NME9: variants seen among roughly 807,000 people sequenced by gnomAD.
The protein encoded by NME9 is NME/NM23 family member 9.
NME9 carries 48 observed loss-of-function variants against 44.4 expected under a neutral mutation model. The ratio of observed to expected loss-of-function variants is 1.08; its 90% CI spans 0.86 to 1.37. NME9 has a LOEUF of 1.37. Ranked by LOEUF, NME9 falls within the 40% of genes most tolerant of loss-of-function variation. NME9 has a pLI of 0.00. For missense variants in NME9, 325 were observed against 405.2 expected (o/e 0.80, Z 1.70); for synonymous variants, 139 against 147.1 (o/e 0.94, Z 0.40).
chr3:138,274,671 G>A (rs1038303812), intron 8 of NME9: 6 of 669,578 alleles, frequency 9.0e-6, no homozygotes, highest in African/African-American at 5.4e-5. Flanking sequence ...TCTAGAAATA[G>A]GAAGAAATAT....
chr3:138,303,449 G>A lies in NME9; in HGVS notation c.928+58C>T, dbSNP rs986958817. On this transcript the variant is annotated intron_variant, in intron 10 of 10. Coordinates refer to ENST00000333911, the MANE Select transcript of NME9 (RefSeq NM_001349018.2). ...AATCCCCCACACACTCAAGCACATA[G>A]TTACAAATTCCTTGTATCTATGATT... 5 of 1,421,632 alleles carry A rather than the reference G, an allele frequency of 3.5e-6. No individual in the cohort carries two copies. The African/African-American group carries it at 5.6e-5, about 16-fold the overall frequency. The allele number at this position is 1,421,632 out of a possible 1,614,324, so 88.1% of individuals were successfully genotyped here.
intron 8 of NME9, among the ~76,000 whole-genome samples, chr3:138,265,298 G>C (rs1475083665): frequency 6.6e-6 from 1 of 152,100 alleles, no homozygotes; most frequent in East Asian, 1.9e-4. Flanking sequence ...TCTGAATCAA[G>C]ACTTAGAGCA....
At chr3:138,277,316 A>G (rs2049393637) in intron 8 of NME9, among the ~76,000 whole-genome samples, 1 of 152,244 alleles carries the variant, frequency 6.6e-6, no homozygotes, top group Admixed American at 6.5e-5. Flanking sequence ...GAGAAAATGC[A>G]GGAGAAAATC....
chr3:138,275,058 C>G lies in NME9; in HGVS notation c.746-12472G>C, dbSNP rs547399060. On this transcript the variant is annotated intron_variant, in intron 8 of 8. Transcript: ENST00000317876. ...CAAGTTAAGGGTAGGTATTAAAGTA[C>G]GAAGCTGTGCATTTATCAGGACAGT... Among the ~76,000 whole-genome samples, 3 of 152,180 alleles carry G rather than the reference C, an allele frequency of 2.0e-5. No individual in the cohort carries two copies. In the East Asian group the frequency reaches 5.8e-4, roughly 29 times the overall value.
chr3:138,298,371 T>C (rs2051667232), downstream of NME9: 1 of 152,134 alleles, frequency 6.6e-6, no homozygotes, highest in Non-Finnish European at 1.5e-5. Context: ...CCAAGAAAAA[T>C]CATGGCAACT....
rs2053017355 is a variant in NME9 at position 138,315,600 on chromosome 3, A to G, written c.311T>C (p.Leu104Pro). ...VAVVRGANAP[L>P]LQKTILDQLE... ...CTGGTCTAGGATGGTTTTCTGCAGC[A>G]GTGGGGCATTTGCTCCTCTAACCAC... is the stretch of plus-strand genomic sequence containing the variant. The change falls in exon 5 of 11, where the codon CTG becomes CCG. Residue 104 changes from leucine (L) to proline (P), a missense_variant. Transcript: ENST00000333911. 1 of 1,536,686 alleles carries G rather than the reference A, an allele frequency of 6.5e-7. No homozygotes were observed.
chr3:138,262,613 A>T (rs1560008320), intron 8 of NME9: 4 of 1,497,184 alleles, frequency 2.7e-6, no homozygotes, highest in Non-Finnish European at 1.8e-6. Context: ...AAAAAAAAAA[A>T]TTTAGGTGCC....
In NME9 at chr3:138,313,721, C is replaced by T. The variant is rs566883599; in HGVS notation, c.460+611G>A. On this transcript the variant is annotated intron_variant, in intron 6 of 10. Coordinates refer to ENST00000333911, the MANE Select transcript of NME9 (RefSeq NM_001349018.2). Reference sequence around the variant, plus strand: ...TGTATATACACAAGGGAATATTATTCATTAATTTAAAAGATTAAAATCCTG... The same window carrying T: ...TGTATATACACAAGGGAATATTATTTATTAATTTAAAAGATTAAAATCCTG... 2.0e-5 allele frequency among the ~76,000 whole-genome samples: 3 copies of T among 152,234 alleles called. No homozygotes were observed. The East Asian group carries it at 5.8e-4, about 29-fold the overall frequency.
intron 8 of NME9, among the ~76,000 whole-genome samples, chr3:138,291,591 A>G (rs2050958442): frequency 1.3e-5 from 2 of 152,252 alleles, no homozygotes; most frequent in Non-Finnish European, 2.9e-5. Flanking sequence ...AATACGTAAC[A>G]CAGTATCAGG....
chr3:138,300,477 A>G (rs1045588239), downstream of NME9, among the ~76,000 whole-genome samples: 2 of 152,222 alleles, frequency 1.3e-5, no homozygotes, highest in Non-Finnish European at 2.9e-5. Flanking sequence ...CCTTCTCCTC[A>G]GATAGGAAAA....
At chr3:138,284,307 G>A (rs1240213098) in intron 8 of NME9, 25 of 694,346 alleles carry the variant, frequency 3.6e-5, no homozygotes, top group Non-Finnish European at 6.4e-5. Context: ...AGAAATCAGG[G>A]CATTGAGAGT....
intron 8 of NME9, among the ~76,000 whole-genome samples, chr3:138,286,857 AC>A (rs1271456335): frequency 1.3e-5 from 2 of 152,198 alleles, no homozygotes; most frequent in Admixed American, 6.5e-5. Flanking sequence ...CTCTGGACTT[AC>A]ATATCCGCCT....
At chr3:138,329,117 C>A (rs2053968989) in intron 1 of NME9, among the ~76,000 whole-genome samples, 186 bp downstream of exon 1, 1 of 152,206 alleles carries the variant, frequency 6.6e-6, no homozygotes, top group Non-Finnish European at 1.5e-5. Flanking sequence ...TAAAATTTGT[C>A]ATCACTGGGG....
chr3:138,306,341 T>C (rs1560098056), intron 7 of NME9, 57 bp downstream of exon 7: 1 of 1,321,856 alleles, frequency 7.6e-7, no homozygotes. Context: ...CCATCCCTGT[T>C]TATCCACAAA....
chr3:138,319,454 C>T (rs760914878), intron 3 of NME9, 24 bp downstream of exon 3: 1 of 1,294,850 alleles, frequency 7.7e-7, no homozygotes. Flanking sequence ...TGTTGTATGA[C>T]TGTTGGCTGA....
chr3:138,319,713 A>G, intron 2 of NME9, 132 bp from the exon 3 acceptor site: 1 of 623,582 alleles, frequency 1.6e-6, no homozygotes, highest in East Asian at 2.8e-5. Context: ...GGTTAAAGGG[A>G]TTTACTATCC....
chr3:138,265,790 T>C (rs866581297), intron 8 of NME9, among the ~76,000 whole-genome samples: 1 of 152,184 alleles, frequency 6.6e-6, no homozygotes, highest in Non-Finnish European at 1.5e-5. Flanking sequence ...GTTAGACCAA[T>C]GCCAGTGGCC....
intron 6 of NME9, among the ~76,000 whole-genome samples, chr3:138,311,462 T>C (rs977123709): frequency 6.6e-6 from 1 of 152,040 alleles, no homozygotes; most frequent in African/African-American, 2.4e-5. Flanking sequence ...CAGGCCAATA[T>C]CCTTGAAGAA....
chr3:138,303,695 A>G (rs778695723), intron 9 of NME9, 52 bp from the exon 10 acceptor site: 14 of 1,565,914 alleles, frequency 8.9e-6, no homozygotes, highest in Non-Finnish European at 1.2e-5. Flanking sequence ...TTGAAAAGAA[A>G]TGTTTTGCTT....
Sources: gnomAD v4.1 joint callset for allele counts (sites outside exome capture counted in the v4.1 genomes callset) on GRCh38, gnomAD v4.1.1 for gene constraint, MANE v1.5 for transcripts, NCBI Gene and HGNC (gene_info 2026-07-23, HGNC 2026-07-21) for gene names.